The following EDIL3 variants were observed in gnomAD, a reference collection of about 807,000 sequenced individuals.
EDIL3 encodes the protein EGF like and discoidin domains 3, also known as EGF-like repeat and discoidin I-like domain-containing protein 3.
Under a neutral mutation model 67.4 loss-of-function variants are expected in EDIL3, and 37 were observed. The ratio of observed to expected loss-of-function variants is 0.55; its 90% CI spans 0.42 to 0.72. The LOEUF is 0.72. Among genes scored for constraint, EDIL3 ranks in the 30% least tolerant of loss-of-function variants. EDIL3 has a pLI of 0.00. For missense variants in EDIL3, 527 were observed against 586.3 expected, an observed-to-expected ratio of 0.90 and a Z score of 1.04; for synonymous variants, 195 against 196.3, an observed-to-expected ratio of 0.99 and a Z score of 0.05.
intron 3 of EDIL3, among the ~76,000 whole-genome samples, chr5:84,187,072 T>C (rs2112363638): frequency 6.6e-6 from 1 of 152,180 alleles, no homozygotes; most frequent in Middle Eastern, 3.4e-3. Context: ...CAAGAGGCTT[T>C]AGGGAGTTTT....
intron 1 of EDIL3, among the ~76,000 whole-genome samples, chr5:84,270,407 A>G (rs1044078341): frequency 1.1e-4 from 17 of 152,202 alleles, no homozygotes; most frequent in Admixed American, 6.5e-4. Context: ...GGTTTATCAT[A>G]GCTGTTTAAC....
At chr5:84,070,036 T>C (rs1746709427) in intron 6 of EDIL3, among the ~76,000 whole-genome samples, 1 of 151,796 alleles carries the variant, frequency 6.6e-6, no homozygotes, top group Admixed American at 6.6e-5. Flanking sequence ...CAAGGGGAAT[T>C]TGGCCAGGAC....
At position 84,106,047 on chromosome 5, in the gene EDIL3, G is replaced by A. The variant is rs76624543; in HGVS notation, c.651+602C>T. On this transcript the variant is annotated intron_variant, in intron 6 of 10. Coordinates refer to ENST00000296591, the MANE Select transcript of EDIL3 (RefSeq NM_005711.5). Reference sequence around the variant, plus strand: ...CTCCTAGTACATAGTTCATCTAAATGCTCAAAAAGCATTGAAATGTACAGA... The same window carrying A: ...CTCCTAGTACATAGTTCATCTAAATACTCAAAAAGCATTGAAATGTACAGA... 9.7e-3 allele frequency among the ~76,000 whole-genome samples: 1,473 copies of A among 152,158 alleles called. 61 individuals are homozygous for A. The East Asian group carries it at 0.1, about 11-fold the overall frequency.
intron 1 of EDIL3, among the ~76,000 whole-genome samples, chr5:84,373,586 C>A (rs530311691): frequency 7.9e-5 from 12 of 151,926 alleles, no homozygotes; most frequent in Admixed American, 5.2e-4. Flanking sequence ...TATCTTAGTT[C>A]GAGATTTCAT....
intron 1 of EDIL3, among the ~76,000 whole-genome samples, chr5:84,331,938 T>A (rs888676842): frequency 6.6e-6 from 1 of 152,138 alleles, no homozygotes; most frequent in Non-Finnish European, 1.5e-5. Context: ...TAGGGGCAAA[T>A]TGGCAATTAT....
intron 1 of EDIL3, among the ~76,000 whole-genome samples, chr5:84,368,075 T>C (rs1397367966): frequency 6.6e-6 from 1 of 152,178 alleles, no homozygotes. Flanking sequence ...TGTAACTATT[T>C]TGAAACTCTG....
intron 1 of EDIL3, among the ~76,000 whole-genome samples, chr5:84,292,635 AATAT>A (rs1170642242): frequency 3.9e-5 from 6 of 152,150 alleles, no homozygotes; most frequent in Non-Finnish European, 7.4e-5. Context: ...TTAAGATTTG[AATAT>A]ATCCTACCAT....
chr5:84,328,981 G>A (rs1194345645), intron 1 of EDIL3, among the ~76,000 whole-genome samples: 1 of 152,032 alleles, frequency 6.6e-6, no homozygotes, highest in Non-Finnish European at 1.5e-5. Flanking sequence ...TACCAAGGCT[G>A]AAAAGCAGCC....
intron 1 of EDIL3, 49 bp from the exon 2 acceptor site, chr5:84,254,261 C>T (rs760703320): frequency 1.3e-6 from 2 of 1,564,670 alleles, no homozygotes; most frequent in Non-Finnish European, 1.7e-6. Flanking sequence ...TTGTCTTGGA[C>T]ATTGAAACAT....
chr5:84,039,006 C>A (rs1746072593), intron 9 of EDIL3, among the ~76,000 whole-genome samples: 1 of 152,116 alleles, frequency 6.6e-6, no homozygotes, highest in African/African-American at 2.4e-5. Context: ...TACTATATTT[C>A]TCAGATGAAG....
At chr5:84,083,473 T>A (rs532927845) in intron 6 of EDIL3, among the ~76,000 whole-genome samples, 1 of 152,202 alleles carries the variant, frequency 6.6e-6, no homozygotes, top group Non-Finnish European at 1.5e-5. Flanking sequence ...AAAAGTTTTG[T>A]TTCTTCTAAG....
chr5:84,141,971 C>CTATG (rs762472265), intron 4 of EDIL3, among the ~76,000 whole-genome samples: 4,643 of 143,198 alleles, frequency 0.032, 129 homozygotes, highest in Non-Finnish European at 0.05. Context: ...ATCTATCTAT[C>CTATG]TATCTATCTA....
At chr5:84,178,512 A>G (rs1379912717) in intron 4 of EDIL3, among the ~76,000 whole-genome samples, 1 of 152,134 alleles carries the variant, frequency 6.6e-6, no homozygotes, top group African/African-American at 2.4e-5. Context: ...TTTCAATTTC[A>G]TCTATAAAGA....
At chr5:84,079,401 C>T (rs1014188551) in intron 6 of EDIL3, among the ~76,000 whole-genome samples, 1 of 151,968 alleles carries the variant, frequency 6.6e-6, no homozygotes, top group Admixed American at 6.6e-5. Flanking sequence ...GGCCTTTAAC[C>T]TATGGCGTGT....
chr5:84,295,429 A>G lies in EDIL3; in HGVS notation c.68-41217T>C, dbSNP rs145452267. ...TATTACCAAAGCAACAGGAAAGTCT[A>G]TCATCATAACAGTGGAGTATTAATA... is the stretch of plus-strand genomic sequence containing the variant. On this transcript the variant is annotated intron_variant, in intron 1 of 10. Transcript: ENST00000296591. Among the ~76,000 whole-genome samples, 562 of 152,158 alleles carry G rather than the reference A, an allele frequency of 3.7e-3. 4 individuals carry two copies. The highest frequency in any genetic ancestry group is 0.013 in the African/African-American group (532 of 41,560).
Position 84,074,430 on chromosome 5 carries a change from A to G in EDIL3, c.652-7824T>C, listed in dbSNP as rs914996830. On this transcript the variant is annotated intron_variant, in intron 6 of 10. Transcript: ENST00000296591. ...ACATTCAACCCACAAAATGGGAGAA[A>G]ATTTTCTCAACCTACTCATCTGACA... Among the ~76,000 whole-genome samples, 13 of 152,198 alleles carry G rather than the reference A, an allele frequency of 8.5e-5. No homozygotes were observed. In the South Asian group the frequency reaches 1.2e-3, roughly 15 times the overall value.
intron 10 of EDIL3, among the ~76,000 whole-genome samples, chr5:83,959,609 T>C (rs1744572750): frequency 6.6e-6 from 1 of 151,026 alleles, no homozygotes; most frequent in Non-Finnish European, 1.5e-5. Context: ...TGTGGTTGAA[T>C]TGGCACTTGT....
At chr5:84,113,007 T>C (rs1366689258) in intron 5 of EDIL3, among the ~76,000 whole-genome samples, 1 of 152,162 alleles carries the variant, frequency 6.6e-6, no homozygotes, top group African/African-American at 2.4e-5. Context: ...ATTTTTTTTA[T>C]GATGAGTAAA....
chr5:83,947,363 C>CTG (rs71605883), intron 10 of EDIL3, among the ~76,000 whole-genome samples: 21,898 of 125,858 alleles, frequency 0.17, 1,724 homozygotes, highest in East Asian at 0.32. Flanking sequence ...GTGTCTGTGT[C>CTG]TGTGTCTGTG....
Sources: allele counts gnomAD v4.1 joint callset (sites outside exome capture counted in the v4.1 genomes callset), GRCh38; gene constraint gnomAD v4.1.1; transcripts MANE v1.5; gene names NCBI Gene and HGNC (gene_info 2026-07-23, HGNC 2026-07-21).